The following CHLSN variants were observed in gnomAD, a reference collection of about 807,000 sequenced individuals.
CHLSN encodes cholesin.
the CHLSN span, among the ~76,000 whole-genome samples, chr7:1,015,047 G>A: frequency 6.6e-6 from 1 of 152,234 alleles, no homozygotes; most frequent in African/African-American, 2.4e-5. Context: ...GGCCTGACAC[G>A]GCTGCTGTGG....
the CHLSN span, among the ~76,000 whole-genome samples, chr7:1,048,169 C>CTAGGCAAGGGATCAACATCCGCAA: frequency 6.6e-6 from 1 of 152,136 alleles, no homozygotes; most frequent in Non-Finnish European, 1.5e-5. Flanking sequence ...AAAGGGTGTT[C>CTAGGCAAGGGATCAACATCCGCAA]TAGGCAAGGG....
At chr7:1,132,862 G>A in the CHLSN span, among the ~76,000 whole-genome samples, 358 of 152,132 alleles carry the variant, frequency 2.4e-3, 3 homozygotes, top group African/African-American at 8.0e-3. Flanking sequence ...CTGAAGAGAC[G>A]TCTCTCCAAA....
At chr7:1,097,007 T>C in the CHLSN span, among the ~76,000 whole-genome samples, 1 of 152,148 alleles carries the variant, frequency 6.6e-6, no homozygotes, top group Non-Finnish European at 1.5e-5. This position sits in a 1 kb window ranked among gnomAD's most constrained non-coding sequence, Gnocchi z 4.3. Flanking sequence ...AGGAGGCTCC[T>C]GAAGCCGGGG....
At chr7:1,028,145 C>A in the CHLSN span, 1 of 727,812 alleles carries the variant, frequency 1.4e-6, no homozygotes, top group Non-Finnish European at 1.7e-6. Context: ...AGCGTCTGGA[C>A]GCCACGGCCT....
At chr7:1,028,146 G>C in the CHLSN span, 1 of 740,252 alleles carries the variant, frequency 1.4e-6, no homozygotes, top group Non-Finnish European at 1.7e-6. Flanking sequence ...GCGTCTGGAC[G>C]CCACGGCCTC....
At chr7:1,028,550 G>C in the CHLSN span, 167,943 of 984,692 alleles carry the variant, frequency 0.17, 14,649 homozygotes, top group Admixed American at 0.22. Context: ...GAGGCTCTCT[G>C]GCCGCCCGGG....
chr7:1,127,993 C>T, the CHLSN span, among the ~76,000 whole-genome samples: 6 of 23,154 alleles, frequency 2.6e-4, no homozygotes, highest in East Asian at 6.0e-4. Flanking sequence ...TCGGCTCATC[C>T]CACCGTCACC....
chr7:1,130,081 G>T, the CHLSN span, among the ~76,000 whole-genome samples: 1 of 152,130 alleles, frequency 6.6e-6, no homozygotes, highest in Non-Finnish European at 1.5e-5. Context: ...CGTGAGTCTG[G>T]GGTCTCCTCT....
the CHLSN span, among the ~76,000 whole-genome samples, chr7:1,106,628 G>A: frequency 6.4e-4 from 97 of 152,290 alleles, no homozygotes; most frequent in African/African-American, 2.0e-3. Flanking sequence ...TGAGGGTGAC[G>A]GGCCTGGGGC....
chr7:988,864 C>G, the CHLSN span: 4 of 1,285,172 alleles, frequency 3.1e-6, no homozygotes, highest in Non-Finnish European at 4.3e-6. Flanking sequence ...ACTCCCCTCC[C>G]AGCCCTGGGT....
At chr7:1,060,575 G>A in the CHLSN span, among the ~76,000 whole-genome samples, 1 of 152,212 alleles carries the variant, frequency 6.6e-6, no homozygotes, top group Admixed American at 6.5e-5. Context: ...ATTCAGCCAC[G>A]AGGTCACTGG....
chr7:1,065,128 G>A, the CHLSN span, among the ~76,000 whole-genome samples: 3 of 152,158 alleles, frequency 2.0e-5, no homozygotes, highest in African/African-American at 7.2e-5. Flanking sequence ...TAGGGGCCAC[G>A]GCACCCCTTG....
the CHLSN span, among the ~76,000 whole-genome samples, chr7:1,016,802 G>GCAGCGCA: frequency 4.7e-5 from 3 of 64,054 alleles, no homozygotes; most frequent in Admixed American, 3.1e-4. Flanking sequence ...GCAGCACACA[G>GCAGCGCA]CAGCACACAC....
chr7:986,891 G>A, the CHLSN span: 1 of 1,378,278 alleles, frequency 7.3e-7, no homozygotes. Context: ...TACCGGTCCT[G>A]CACCAAGCTC....
the CHLSN span, among the ~76,000 whole-genome samples, chr7:1,113,049 A>C: frequency 2.0e-5 from 3 of 152,166 alleles, no homozygotes; most frequent in Admixed American, 2.0e-4. Flanking sequence ...CTGTATCTTG[A>C]CCGCCACAGT....
chr7:1,033,293 C>T, the CHLSN span, among the ~76,000 whole-genome samples: 1 of 152,216 alleles, frequency 6.6e-6, no homozygotes, highest in Non-Finnish European at 1.5e-5. Context: ...CGCAGTGGCT[C>T]ACGCCTGTGA....
the CHLSN span, among the ~76,000 whole-genome samples, chr7:1,006,428 G>A: frequency 3.4e-3 from 499 of 145,446 alleles, no homozygotes; most frequent in Non-Finnish European, 5.7e-3. Context: ...AGCGCACGAC[G>A]GCCACAGCGC....
At chr7:1,096,128 G>A in the CHLSN span, among the ~76,000 whole-genome samples, 2 of 152,198 alleles carry the variant, frequency 1.3e-5, no homozygotes, top group Non-Finnish European at 2.9e-5. The surrounding 1 kb of genome is among the most constrained non-coding windows in gnomAD (Gnocchi z 4.6). Context: ...CATCCTGCCC[G>A]CACCAGACAC....
chr7:1,071,902 C>T, the CHLSN span, among the ~76,000 whole-genome samples: 2,808 of 152,338 alleles, frequency 0.018, 56 homozygotes, highest in Middle Eastern at 0.088. Flanking sequence ...AAGACTGCAC[C>T]CCCAGGCCCA....
Sources: gnomAD v4.1 joint callset for allele counts (sites outside exome capture counted in the v4.1 genomes callset) on GRCh38, gnomAD v4.1.1 for gene constraint, Gnocchi (gnomAD v3.1) non-coding constraint, MANE v1.5 for transcripts, NCBI Gene and HGNC (gene_info 2026-07-23, HGNC 2026-07-21) for gene names.